Variants in STIM1 observed in about 807,000 individuals in gnomAD.
The protein encoded by STIM1 is stromal interaction molecule 1.
Under a neutral mutation model 74.7 loss-of-function variants are expected in STIM1, and 25 were observed. The observed-to-expected ratio is 0.33, with a 90% confidence interval of 0.24 to 0.47. The LOEUF (loss-of-function observed/expected upper bound fraction) is 0.47. STIM1 is among the 20% of genes least tolerant of loss of function. The pLI, the probability that STIM1 is intolerant of heterozygous loss-of-function variation, is 1.00. For synonymous variants in STIM1, 328 were observed against 348.8 expected, an observed-to-expected ratio of 0.94 and a Z score of 0.66; for missense variants, 728 against 920.8, an observed-to-expected ratio of 0.79 and a Z score of 2.71.
At chr11:3,870,268 A>T (rs762564767) in intron 1 of STIM1, among the ~76,000 whole-genome samples, 24 of 152,140 alleles carry the variant, frequency 1.6e-4, no homozygotes, top group Non-Finnish European at 3.1e-4. Flanking sequence ...AAACTTCCTA[A>T]CAAAGCTGAG....
At chr11:3,872,219 A>AT (rs1364686209) in intron 1 of STIM1, among the ~76,000 whole-genome samples, 2 of 150,938 alleles carry the variant, frequency 1.3e-5, no homozygotes, top group African/African-American at 2.4e-5. Flanking sequence ...CGCCCGGCTA[A>AT]GTTTTGTATT....
rs1401487399 is a variant in STIM1, at chr11:3,973,080, A to C, written c.270+5398A>C. 5 of 438,022 alleles carry C rather than the reference A, an allele frequency of 1.1e-5. No individual in the cohort carries two copies. The Admixed American group carries it at 1.3e-4, about 11-fold the overall frequency. The allele number at this position is 438,022 out of a possible 1,614,324, so 27.1% of individuals were successfully genotyped here. A position where few individuals can be genotyped will look rare whatever the true frequency, so the allele number is the denominator to read the frequency against. ...TGTAGCCACTGCCCTGATTTCCATA[A>C]TCCTGCCTCCACTTCCATAGCCTCT... On this transcript the variant is annotated intron_variant, in intron 2 of 12. Transcript: ENST00000526596.
At chr11:3,902,135 C>T (rs1231115702) in intron 1 of STIM1, among the ~76,000 whole-genome samples, 1 of 152,094 alleles carries the variant, frequency 6.6e-6, no homozygotes, top group Non-Finnish European at 1.5e-5. Flanking sequence ...CCAGACACTG[C>T]CTCATGGAAC....
At chr11:4,028,940 C>A (rs914611401) in intron 3 of STIM1, among the ~76,000 whole-genome samples, 1 of 151,928 alleles carries the variant, frequency 6.6e-6, no homozygotes, top group Non-Finnish European at 1.5e-5. Flanking sequence ...GTAATCCCAG[C>A]ACTTTGGGAG....
chr11:4,044,570 T>G (rs138921082), intron 3 of STIM1, among the ~76,000 whole-genome samples: 1 of 152,160 alleles, frequency 6.6e-6, no homozygotes, highest in Non-Finnish European at 1.5e-5. Context: ...GTTCAGACTA[T>G]AGTGACTCCA....
intron 3 of STIM1, among the ~76,000 whole-genome samples, chr11:4,027,165 G>A (rs2094004238): frequency 6.6e-6 from 1 of 152,118 alleles, no homozygotes; most frequent in Admixed American, 6.5e-5. Context: ...AGTAACCCAG[G>A]ACAAAGATCT....
At chr11:4,034,373 G>A (rs559364763) in intron 3 of STIM1, among the ~76,000 whole-genome samples, 6 of 152,202 alleles carry the variant, frequency 3.9e-5, no homozygotes, top group Non-Finnish European at 8.8e-5. Flanking sequence ...GGAGTTTTCT[G>A]TGTCTATTGA....
intron 1 of STIM1, among the ~76,000 whole-genome samples, chr11:3,959,047 C>T (rs1383641924): frequency 2.6e-5 from 4 of 151,862 alleles, no homozygotes; most frequent in Non-Finnish European, 5.9e-5. Flanking sequence ...GCTATTTTAT[C>T]TCTTGAACTT....
At chr11:3,989,271 G>A (rs1352063500) in intron 2 of STIM1, 4 of 921,156 alleles carry the variant, frequency 4.3e-6, no homozygotes, top group Non-Finnish European at 7.3e-6. Context: ...TAGCCACTTC[G>A]GCCTGTTTTC....
At chr11:3,863,956 A>G (rs969596417) in intron 1 of STIM1, among the ~76,000 whole-genome samples, 1 of 151,996 alleles carries the variant, frequency 6.6e-6, no homozygotes, top group African/African-American at 2.4e-5. Context: ...CATAGTGGGT[A>G]TAGGTTTGGT....
chr11:3,863,219 CA>C, intron 1 of STIM1, among the ~76,000 whole-genome samples: 1 of 103,970 alleles, frequency 9.6e-6, no homozygotes, highest in South Asian at 3.4e-4. Flanking sequence ...TGAGACAATG[CA>C]TGTGTGTGTG....
chr11:3,922,189 CCT>C, intron 1 of STIM1, among the ~76,000 whole-genome samples: 1 of 151,886 alleles, frequency 6.6e-6, no homozygotes, highest in Middle Eastern at 3.4e-3. Context: ...CTAGTATTTC[CCT>C]TTTTTATTTT....
At chr11:3,913,892 T>C (rs1169187198) in intron 1 of STIM1, among the ~76,000 whole-genome samples, 2 of 152,230 alleles carry the variant, frequency 1.3e-5, no homozygotes, top group African/African-American at 4.8e-5. Flanking sequence ...GTATCTGGCT[T>C]CTTAGAATAA....
intron 1 of STIM1, among the ~76,000 whole-genome samples, chr11:3,912,325 A>C (rs2092577888): frequency 7.0e-6 from 1 of 143,460 alleles, no homozygotes; most frequent in Non-Finnish European, 1.5e-5. Context: ...ATCAGGTTTC[A>C]CTGAACAATA....
At chr11:4,024,047 G>T in intron 3 of STIM1, 60 bp downstream of exon 3, 1 of 1,426,038 alleles carries the variant, frequency 7.0e-7, no homozygotes, top group Non-Finnish European at 9.9e-7. Context: ...GAGAGAAGCA[G>T]CAACTTGGCC....
At chr11:3,992,081 G>GTTTTTTTTTTTTTTTTT (rs1554963559) in intron 2 of STIM1, among the ~76,000 whole-genome samples, 23 of 91,986 alleles carry the variant, frequency 2.5e-4, no homozygotes, top group African/African-American at 8.9e-4. Flanking sequence ...GCCAACATCT[G>GTTTTTTTTTTTTTTTTT]TTTTTTTGTT....
At chr11:3,906,965 G>T (rs1227652410) in intron 1 of STIM1, among the ~76,000 whole-genome samples, 3 of 152,066 alleles carry the variant, frequency 2.0e-5, no homozygotes, top group Non-Finnish European at 4.4e-5. Context: ...CTCTAAAATT[G>T]GTACCTTTAC....
intron 9 of STIM1, 84 bp downstream of exon 9, chr11:4,083,066 C>A: frequency 7.9e-7 from 1 of 1,272,492 alleles, no homozygotes. Flanking sequence ...ACACCAATTC[C>A]ATTTCCTCAT....
chr11:3,887,817 A>C (rs2091765746), intron 1 of STIM1, among the ~76,000 whole-genome samples: 1 of 151,806 alleles, frequency 6.6e-6, no homozygotes, highest in South Asian at 2.1e-4. Context: ...AAATACAAAA[A>C]ATTAGCCGGA....
Sources: gnomAD v4.1 joint callset for allele counts (sites outside exome capture counted in the v4.1 genomes callset) on GRCh38, gnomAD v4.1.1 for gene constraint, MANE v1.5 for transcripts, NCBI Gene and HGNC (gene_info 2026-07-23, HGNC 2026-07-21) for gene names.